The following PIR variants were observed in gnomAD, a reference collection of about 807,000 sequenced individuals.
PIR encodes the protein pirin (iron-binding nuclear protein).
PIR carries 22 observed loss-of-function variants against 24.2 expected under a neutral mutation model. The observed-to-expected ratio is 0.91, with a 90% CI of 0.65 to 1.30. PIR has a LOEUF of 1.30. Among genes scored for constraint, PIR ranks in the 50% most tolerant of loss-of-function variants. PIR has a pLI of 0.00. For synonymous variants in PIR, 80 were observed against 79.6 expected (o/e 1.00, Z -0.03); for missense variants, 220 against 220.3 (o/e 1.00, Z 0.01).
intron 7 of PIR, among the ~76,000 whole-genome samples, chrX:15,398,718 C>CAGATCTATG (rs1555952809): frequency 1.1e-3 from 105 of 92,593 alleles, no homozygotes; most frequent in Admixed American, 2.9e-3. Context: ...GTGAAATTAC[C>CAGATCTATG]AGATCTGTGT....
intron 7 of PIR, among the ~76,000 whole-genome samples, chrX:15,405,279 CA>C (rs762680026): frequency 8.9e-6 from 1 of 112,039 alleles, no homozygotes; most frequent in Admixed American, 9.4e-5. Flanking sequence ...ATGGTTGAAA[CA>C]AACTTAAAAA....
At chrX:15,439,442 T>C (rs1281674825) in intron 5 of PIR, among the ~76,000 whole-genome samples, 1 of 112,595 alleles carries the variant, frequency 8.9e-6, no homozygotes, top group Non-Finnish European at 1.9e-5. Flanking sequence ...AAATGTTTAC[T>C]ATGAAATTTG....
Position 15,491,222 on chromosome X carries a change from G to A in PIR, c.36C>T (p.Leu12=), listed in dbSNP as rs1366417803. 8.3e-7 allele frequency: 1 copy of A among 1,203,510 alleles called. No individual in the cohort carries two copies. Among genetic ancestry groups the A allele is most frequent in the Non-Finnish European group, 1.1e-6 (1 of 891,072 alleles). The change falls in exon 2 of 10, where the codon CTC becomes CTT. Residue 12 remains leucine (L), a synonymous_variant. Transcript: ENST00000380420. ...CAACCCCTTCCGACTGCTCCCGGCT[G>A]AGCACTGAGAGAGTAACTTTCTTGG... The part of the protein sequence containing the change: ...GSSKKVTLSV[L]SREQSEGVGA...
intron 5 of PIR, among the ~76,000 whole-genome samples, chrX:15,442,286 T>A (rs1403850282): frequency 9.0e-6 from 1 of 111,241 alleles, no homozygotes. Context: ...ACCACAAAAC[T>A]GTGCCGACAT....
chrX:15,475,350 A>G (rs1244323387), intron 3 of PIR, among the ~76,000 whole-genome samples: 1 of 111,569 alleles, frequency 9.0e-6, no homozygotes, highest in Non-Finnish European at 1.9e-5. Context: ...AAAAAATTTT[A>G]AAAACACTTC....
At chrX:15,457,621 A>G (rs1459446904) in intron 4 of PIR, among the ~76,000 whole-genome samples, 2 of 111,974 alleles carry the variant, frequency 1.8e-5, no homozygotes, top group Non-Finnish European at 3.8e-5. Flanking sequence ...GGGGAAGAGG[A>G]AGAGGATTCC....
intron 5 of PIR, among the ~76,000 whole-genome samples, chrX:15,444,603 T>C (rs1216076096): frequency 8.9e-6 from 1 of 111,765 alleles, no homozygotes; most frequent in African/African-American, 3.3e-5. Context: ...ACGGGTCTGC[T>C]TTTGTTTGGC....
intron 5 of PIR, among the ~76,000 whole-genome samples, chrX:15,452,177 C>T (rs748901556): frequency 4.5e-5 from 5 of 111,453 alleles, no homozygotes; most frequent in South Asian, 3.8e-4. Context: ...CAAGTAGAGG[C>T]GTGTTTTTGG....
chrX:15,413,161 T>C (rs767721049), intron 6 of PIR, among the ~76,000 whole-genome samples: 8 of 112,079 alleles, frequency 7.1e-5, no homozygotes, highest in Admixed American at 1.9e-4. Context: ...TTAACAAATA[T>C]CAGTTCATTT....
At chrX:15,471,441 T>C (rs111523954) in intron 3 of PIR, among the ~76,000 whole-genome samples, 1,281 of 111,684 alleles carry the variant, frequency 0.011, 18 homozygotes, top group African/African-American at 0.038. Context: ...TGTGAAATAT[T>C]GTTCATTCAT....
chrX:15,411,029 A>G (rs1412513679), intron 6 of PIR, among the ~76,000 whole-genome samples: 1 of 110,214 alleles, frequency 9.1e-6, no homozygotes, highest in African/African-American at 3.3e-5. Flanking sequence ...TTCTTCCCTC[A>G]CCTCTCCTCC....
Position 15,462,839 on chromosome X carries a change from A to G in PIR, c.190-3099T>C, listed in dbSNP as rs763430223. On this transcript the variant is annotated intron_variant, in intron 3 of 9. Transcript: ENST00000380420. ...AATATATTGAGAAGGTAAGTGCACCAACAACATTCATTGAACAAATACTCA... is the reference window on the plus strand; with the variant it reads ...AATATATTGAGAAGGTAAGTGCACCGACAACATTCATTGAACAAATACTCA... 8.0e-5 allele frequency among the ~76,000 whole-genome samples: 9 copies of G among 112,417 alleles called. No homozygotes were observed. In the Admixed American group the frequency reaches 8.5e-4, roughly 11 times the overall value.
chrX:15,433,157 G>A (rs960513799), intron 5 of PIR, among the ~76,000 whole-genome samples: 4 of 112,143 alleles, frequency 3.6e-5, no homozygotes, highest in African/African-American at 1.3e-4. Context: ...ATATCAATCT[G>A]GGAGTTGTCA....
intron 2 of PIR, among the ~76,000 whole-genome samples, chrX:15,485,902 A>G (rs776319053): frequency 8.9e-6 from 1 of 112,204 alleles, no homozygotes; most frequent in African/African-American, 3.2e-5. Flanking sequence ...GTTTTCACTA[A>G]GTCCCCAACT....
chrX:15,435,071 C>T (rs755818248), intron 5 of PIR, among the ~76,000 whole-genome samples: 3 of 110,436 alleles, frequency 2.7e-5, no homozygotes, highest in African/African-American at 9.9e-5. Context: ...ATTAGCCAAG[C>T]GTAGTGGCGG....
intron 5 of PIR, among the ~76,000 whole-genome samples, chrX:15,446,948 A>T (rs756626434): frequency 8.9e-6 from 1 of 112,478 alleles, no homozygotes; most frequent in South Asian, 3.7e-4. Context: ...TTATGACAGA[A>T]CATGCTGTTC....
At chrX:15,422,372 A>C (rs1436100733) in intron 6 of PIR, among the ~76,000 whole-genome samples, 1 of 110,568 alleles carries the variant, frequency 9.0e-6, no homozygotes, top group Non-Finnish European at 1.9e-5. Flanking sequence ...AGAAAGGAAG[A>C]AGTCAAACTA....
intron 9 of PIR, among the ~76,000 whole-genome samples, chrX:15,388,424 A>G (rs921548413): frequency 3.6e-5 from 4 of 112,034 alleles, no homozygotes; most frequent in Non-Finnish European, 7.5e-5. Context: ...GAATCCAGCT[A>G]TGTGACCTTG....
chrX:15,414,409 C>G (rs180680973), intron 6 of PIR, among the ~76,000 whole-genome samples: 52 of 111,974 alleles, frequency 4.6e-4, no homozygotes, highest in African/African-American at 1.6e-3. Flanking sequence ...GTATTCACAA[C>G]TGATTTTTAA....
Sources: allele counts gnomAD v4.1 joint callset (sites outside exome capture counted in the v4.1 genomes callset), GRCh38; gene constraint gnomAD v4.1.1; transcripts MANE v1.5; gene names NCBI Gene and HGNC (gene_info 2026-07-23, HGNC 2026-07-21).